Variants in PRRG1 observed in about 807,000 individuals in gnomAD.
The protein encoded by PRRG1 is proline rich and Gla domain 1.
PRRG1 carries 5 observed loss-of-function variants against 11.8 expected under a neutral mutation model. The observed-to-expected ratio is 0.42, with a 90% CI of 0.22 to 0.89. The LOEUF is 0.89. Among genes scored for constraint, PRRG1 ranks in the 40% least tolerant of loss-of-function variants. The pLI is 0.28. For synonymous variants in PRRG1, 66 were observed against 60.4 expected (o/e 1.09, Z -0.43); for missense variants, 155 against 166.1 (o/e 0.93, Z 0.37).
chrX:37,416,942 A>G lies in PRRG1; in HGVS notation c.11-8898A>G, dbSNP rs1047042561. ...AAAGCATAAAATCATTAGATGAGAG[A>G]CATCTGAATGTATTCTCTGAAATTT... is the stretch of plus-strand genomic sequence containing the variant. On this transcript the variant is annotated intron_variant, in intron 2 of 3. Transcript: ENST00000378628. 6.3e-5 allele frequency among the ~76,000 whole-genome samples: 7 copies of G among 111,745 alleles called. No individual in the cohort carries two copies. In the South Asian group the frequency reaches 2.6e-3, roughly 42 times the overall value.
At chrX:37,446,705 T>A (rs781945712) in intron 3 of PRRG1, among the ~76,000 whole-genome samples, 1 of 111,680 alleles carries the variant, frequency 9.0e-6, no homozygotes, top group African/African-American at 3.3e-5. Context: ...TTCTGCAGGC[T>A]GGGAAGTTCA....
intron 2 of PRRG1, among the ~76,000 whole-genome samples, chrX:37,411,191 A>G (rs1037880613): frequency 1.8e-5 from 2 of 112,032 alleles, no homozygotes; most frequent in Admixed American, 1.9e-4. Context: ...TTTACATTGT[A>G]TTAGGTTTTA....
intron 1 of PRRG1, among the ~76,000 whole-genome samples, chrX:37,366,953 A>C (rs148359344): frequency 5.4e-5 from 6 of 111,544 alleles, no homozygotes; most frequent in Admixed American, 9.5e-5. Flanking sequence ...ACACACATCT[A>C]CCTGAGTGTG....
At chrX:37,441,699 G>A in intron 3 of PRRG1, 2 of 796,953 alleles carry the variant, frequency 2.5e-6, no homozygotes, top group African/African-American at 2.2e-5. Flanking sequence ...TCCTGCGCCA[G>A]TTGCACAAGA....
chrX:37,396,907 T>G (rs2146563868), intron 1 of PRRG1, among the ~76,000 whole-genome samples: 1 of 112,116 alleles, frequency 8.9e-6, no homozygotes, highest in Non-Finnish European at 1.9e-5. Context: ...CCACTAGATG[T>G]CAGCAGCACC....
At chrX:37,446,276 T>C (rs1481404496) in intron 3 of PRRG1, among the ~76,000 whole-genome samples, 1 of 111,739 alleles carries the variant, frequency 8.9e-6, no homozygotes, top group Admixed American at 9.5e-5. Context: ...ACTGAATTTT[T>C]TGGGGGGTTG....
chrX:37,399,811 A>G (rs1418496057), intron 1 of PRRG1, among the ~76,000 whole-genome samples: 3 of 104,702 alleles, frequency 2.9e-5, no homozygotes, highest in African/African-American at 1.0e-4. Context: ...TGGAAAACAA[A>G]AAAAGGCAGG....
chrX:37,368,528 G>T (rs782341102), intron 1 of PRRG1, among the ~76,000 whole-genome samples: 27 of 111,415 alleles, frequency 2.4e-4, no homozygotes, highest in African/African-American at 8.5e-4. Context: ...TTCCATCTGT[G>T]TACTGTTGAC....
At chrX:37,402,708 G>C (rs1932043522) in intron 1 of PRRG1, among the ~76,000 whole-genome samples, 1 of 111,260 alleles carries the variant, frequency 9.0e-6, no homozygotes, top group Non-Finnish European at 1.9e-5. Context: ...CCTACAAAAT[G>C]GGAGAAAATT....
At chrX:37,402,007 C>G (rs1932006834) in intron 1 of PRRG1, among the ~76,000 whole-genome samples, 1 of 111,513 alleles carries the variant, frequency 9.0e-6, no homozygotes. Context: ...AATGGAAGAA[C>G]ATTCCACGCT....
At chrX:37,409,020 G>C (rs1556382941) in intron 2 of PRRG1, among the ~76,000 whole-genome samples, 1 of 111,575 alleles carries the variant, frequency 9.0e-6, no homozygotes, top group Non-Finnish European at 1.9e-5. Flanking sequence ...GTGGGGGCTA[G>C]GGATGACTCT....
chrX:37,380,726 G>C (rs1466377154), intron 1 of PRRG1, among the ~76,000 whole-genome samples: 3 of 111,535 alleles, frequency 2.7e-5, no homozygotes, highest in African/African-American at 9.8e-5. Context: ...TGAAAATGGA[G>C]TACTAAAGTG....
intron 2 of PRRG1, among the ~76,000 whole-genome samples, chrX:37,418,156 TC>T (rs782096226): frequency 5.2e-4 from 58 of 112,417 alleles, no homozygotes; most frequent in Non-Finnish European, 8.8e-4. Context: ...GCAACAGGAA[TC>T]CATATATCCC....
chrX:37,356,087 G>A (rs191892248), intron 1 of PRRG1, among the ~76,000 whole-genome samples: 10 of 112,279 alleles, frequency 8.9e-5, no homozygotes, highest in South Asian at 7.4e-4. Context: ...AGAAATTTCC[G>A]CCTTTGAGGC....
intron 1 of PRRG1, among the ~76,000 whole-genome samples, chrX:37,356,639 A>C (rs782358660): frequency 9.0e-6 from 1 of 111,190 alleles, no homozygotes; most frequent in African/African-American, 3.3e-5. Context: ...TACTCCAGGT[A>C]GAATTCATGG....
Position 37,384,936 on chromosome X carries a change from T to C in PRRG1, c.-41-21273T>C, listed in dbSNP as rs1040878722. On this transcript the variant is annotated intron_variant, in intron 1 of 3. Transcript: ENST00000378628. The stretch of plus-strand genomic sequence containing the variant: ...GCATGTGACCCATTAATTCTACTTC[T>C]ACACCCAACAGAAATAGAAATATAG... Among the ~76,000 whole-genome samples, 3 of 111,532 alleles carry C rather than the reference T, an allele frequency of 2.7e-5. No homozygotes were observed. In the South Asian group the frequency reaches 1.1e-3, roughly 42 times the overall value.
chrX:37,384,094 C>A, intron 1 of PRRG1, among the ~76,000 whole-genome samples: 2 of 110,416 alleles, frequency 1.8e-5, no homozygotes, highest in African/African-American at 3.3e-5. Context: ...ACTTACTGGC[C>A]ATTCAAGGGT....
At chrX:37,350,014 C>G (rs1227462402) in intron 1 of PRRG1, among the ~76,000 whole-genome samples, 1 of 70,225 alleles carries the variant, frequency 1.4e-5, no homozygotes, top group Non-Finnish European at 2.6e-5. Context: ...GGGGTGCGTG[C>G]GAGGTCGGTC....
At chrX:37,398,472 C>A (rs1277682681) in intron 1 of PRRG1, among the ~76,000 whole-genome samples, 3 of 111,662 alleles carry the variant, frequency 2.7e-5, no homozygotes, top group African/African-American at 9.8e-5. Context: ...ACACCAAAAA[C>A]CCATCTGTAT....
Sources: gnomAD v4.1 joint callset for allele counts (sites outside exome capture counted in the v4.1 genomes callset) on GRCh38, gnomAD v4.1.1 for gene constraint, MANE v1.5 for transcripts, NCBI Gene and HGNC (gene_info 2026-07-23, HGNC 2026-07-21) for gene names.